The following PDE11A variants were observed in gnomAD, a reference collection of about 807,000 sequenced individuals.
The protein encoded by PDE11A is dual 3',5'-cyclic-AMP and -GMP phosphodiesterase 11A.
In PDE11A, 100 loss-of-function variants were observed where a neutral mutation model predicts 100.5. The ratio of observed to expected loss-of-function variants is 1.00; its 90% CI spans 0.85 to 1.18. The LOEUF (loss-of-function observed/expected upper bound fraction) is 1.18, where lower values mean the gene tolerates loss of function less well. Among genes scored for constraint, PDE11A ranks in the 50% most tolerant of loss-of-function variants. The pLI is 0.00. For synonymous variants in PDE11A, 381 were observed against 420.8 expected (o/e 0.91, Z 1.16); for missense variants, 1,141 against 1,152.6 (o/e 0.99, Z 0.15).
chr2:177,925,923 ATCAGGACAAGGCTAGCCAACTTTTC>A (rs2085118893), intron 2 of PDE11A, among the ~76,000 whole-genome samples: 1 of 152,244 alleles, frequency 6.6e-6, no homozygotes. Context: ...GAGGGGGAGA[ATCAGGACAAGGCTAGCCAACTTTTC>A]TCTGCAAGTG....
intron 15 of PDE11A, among the ~76,000 whole-genome samples, chr2:177,693,257 G>A (rs2081067445): frequency 6.6e-6 from 1 of 152,136 alleles, no homozygotes; most frequent in Admixed American, 6.5e-5. Flanking sequence ...GTGAGAACAG[G>A]GATGAGACAG....
At position 177,674,968 on chromosome 2, in the gene PDE11A, G is replaced by T. The variant is rs2080746596; in HGVS notation, c.2487+487C>A. Among the ~76,000 whole-genome samples, 3 of 152,204 alleles carry T rather than the reference G, an allele frequency of 2.0e-5. No individual in the cohort carries two copies. The South Asian group carries it at 6.2e-4, about 32-fold the overall frequency. On this transcript the variant is annotated intron_variant, in intron 17 of 19. Coordinates refer to ENST00000286063, the MANE Select transcript of PDE11A (RefSeq NM_016953.4). ...GCTTTATGGCAGAGAAATCAGATAGGTGGTAAAGGCATGGTTTGTTTTTCT... is the reference window on the plus strand; with the variant it reads ...GCTTTATGGCAGAGAAATCAGATAGTTGGTAAAGGCATGGTTTGTTTTTCT...
At chr2:177,853,418 T>C (rs2105652534) in intron 5 of PDE11A, among the ~76,000 whole-genome samples, 1 of 151,562 alleles carries the variant, frequency 6.6e-6, no homozygotes, top group South Asian at 2.1e-4. Context: ...TCTAGGACAG[T>C]AGAGAGATGT....
At chr2:177,713,416 T>C (rs2081385698) in intron 12 of PDE11A, among the ~76,000 whole-genome samples, 1 of 152,096 alleles carries the variant, frequency 6.6e-6, no homozygotes, top group Non-Finnish European at 1.5e-5. Flanking sequence ...GAGTATGAAA[T>C]AGTCCATGTC....
chr2:177,810,380 G>A (rs192595802), intron 9 of PDE11A, among the ~76,000 whole-genome samples: 2 of 152,284 alleles, frequency 1.3e-5, no homozygotes, highest in East Asian at 3.9e-4. Flanking sequence ...TTCAGCAGAG[G>A]TAAACATACA....
chr2:177,640,725 C>T (rs376383663), intron 19 of PDE11A, among the ~76,000 whole-genome samples: 49 of 152,348 alleles, frequency 3.2e-4, no homozygotes, highest in Middle Eastern at 3.4e-3. Flanking sequence ...CAGCCTTCTA[C>T]TTTTTTATGG....
Position 178,072,226 on chromosome 2 carries a change from C to A in PDE11A, c.212G>T (p.Ser71Ile). The A allele has an allele frequency of 1.2e-6, 2 of 1,613,660 alleles. No individual in the cohort carries two copies. Among genetic ancestry groups the A allele is most frequent in the Non-Finnish European group, 1.7e-6 (2 of 1,179,736 alleles). The change falls in exon 1 of 20, where the codon AGC (serine) becomes ATC (isoleucine). Residue 71 changes from serine to isoleucine, a missense_variant. Physicochemically the swap from Ser to Ile is moderately radical, Grantham distance 142 (BLOSUM62 -2). Transcript: ENST00000286063. ...ATTTGGTCCAGTGCCACCACCAACG[C>A]TGCTGCCACCTCTGCAGGTGCTGTG... Reference protein sequence around the residue: ...LAHSTCRGGSSVGGGTGPNGS... With the variant: ...LAHSTCRGGSIVGGGTGPNGS...
At chr2:178,061,887 G>A (rs897665968) in intron 1 of PDE11A, among the ~76,000 whole-genome samples, 2 of 152,178 alleles carry the variant, frequency 1.3e-5, no homozygotes, top group African/African-American at 4.8e-5. Flanking sequence ...TCTTAAGTAT[G>A]AAACATTCTT....
intron 2 of PDE11A, among the ~76,000 whole-genome samples, chr2:178,093,392 C>T (rs1031967091): frequency 2.0e-5 from 3 of 148,106 alleles, no homozygotes; most frequent in African/African-American, 8.0e-5. Flanking sequence ...GAATTTATGA[C>T]TACTAACTCA....
chr2:177,658,482 C>CCCTCT, intron 19 of PDE11A, among the ~76,000 whole-genome samples: 1 of 151,404 alleles, frequency 6.6e-6, no homozygotes, highest in South Asian at 2.1e-4. Context: ...TCCTCCCTTC[C>CCCTCT]CCTCTCCTCT....
chr2:177,943,260 C>T (rs10168170), intron 2 of PDE11A, among the ~76,000 whole-genome samples: 9,628 of 152,180 alleles, frequency 0.063, 320 homozygotes, highest in South Asian at 0.094. Context: ...CTGGATTATA[C>T]GGTAGTTCTA....
At chr2:177,848,150 T>A (rs963683566) in intron 5 of PDE11A, among the ~76,000 whole-genome samples, 2 of 152,184 alleles carry the variant, frequency 1.3e-5, no homozygotes, top group East Asian at 3.9e-4. Flanking sequence ...TTAAAGCAAG[T>A]CATTTGTCCA....
At chr2:178,079,630 T>C (rs944738314) in intron 2 of PDE11A, among the ~76,000 whole-genome samples, 5 of 152,300 alleles carry the variant, frequency 3.3e-5, no homozygotes, top group African/African-American at 1.2e-4. Context: ...AACAGAATGA[T>C]TTATATTCCT....
At chr2:177,966,539 A>G (rs1157793601) in intron 2 of PDE11A, among the ~76,000 whole-genome samples, 4 of 151,200 alleles carry the variant, frequency 2.6e-5, no homozygotes, top group Admixed American at 6.6e-5. Flanking sequence ...TGCCTAGTTT[A>G]TAGAGGGTGT....
chr2:177,803,755 C>A (rs1242304524), intron 9 of PDE11A, among the ~76,000 whole-genome samples: 1 of 151,928 alleles, frequency 6.6e-6, no homozygotes, highest in East Asian at 1.9e-4. Context: ...TTCAGCATCC[C>A]TTCATGATAA....
chr2:178,027,078 A>T (rs1240024880), intron 1 of PDE11A, among the ~76,000 whole-genome samples: 2 of 152,224 alleles, frequency 1.3e-5, no homozygotes, highest in Non-Finnish European at 2.9e-5. Flanking sequence ...GTCTACTTTT[A>T]TACATTGCTA....
chr2:177,901,989 T>C (rs776872288), intron 3 of PDE11A, among the ~76,000 whole-genome samples: 18 of 152,192 alleles, frequency 1.2e-4, no homozygotes, highest in Non-Finnish European at 2.4e-4. Context: ...TAATGAGTGA[T>C]GGAAGTTTTA....
At chr2:177,706,698 T>G (rs955576401) in intron 13 of PDE11A, among the ~76,000 whole-genome samples, 3 of 152,158 alleles carry the variant, frequency 2.0e-5, no homozygotes, top group Non-Finnish European at 4.4e-5. Context: ...TCCCATGAGC[T>G]GATAAACTGC....
At chr2:178,079,334 C>T (rs1456729629) in intron 2 of PDE11A, among the ~76,000 whole-genome samples, 1 of 152,000 alleles carries the variant, frequency 6.6e-6, no homozygotes, top group African/African-American at 2.4e-5. Context: ...TTCCCCACCT[C>T]CCCATGTCCA....
Sources: gnomAD v4.1 joint callset for allele counts (sites outside exome capture counted in the v4.1 genomes callset) on GRCh38, gnomAD v4.1.1 for gene constraint, MANE v1.5 for transcripts, NCBI Gene and HGNC (gene_info 2026-07-23, HGNC 2026-07-21) for gene names.